The following PTK2 variants were observed in gnomAD, a reference collection of about 807,000 sequenced individuals.
PTK2 encodes focal adhesion kinase 1.
In PTK2, 45 loss-of-function variants were observed where a neutral mutation model predicts 150.1. That is an observed-to-expected ratio of 0.30 (90% CI 0.24 to 0.38). The LOEUF is 0.38. PTK2 is among the 10% of genes least tolerant of loss of function. The pLI is 1.00. For missense variants in PTK2, 919 were observed against 1,307.3 expected, an observed-to-expected ratio of 0.70 and a Z score of 4.58; for synonymous variants, 432 against 449.2, an observed-to-expected ratio of 0.96 and a Z score of 0.48.
intron 7 of PTK2, among the ~76,000 whole-genome samples, chr8:140,845,204 A>G (rs1485148450): frequency 2.0e-5 from 3 of 152,142 alleles, no homozygotes. Flanking sequence ...ATCTCATCAT[A>G]TAATTGTCCT....
chr8:140,844,639 AG>A (rs1707464331), intron 7 of PTK2, among the ~76,000 whole-genome samples: 1 of 152,096 alleles, frequency 6.6e-6, no homozygotes, highest in South Asian at 2.1e-4. Flanking sequence ...TGGCACTACA[AG>A]CTGCTCTAGG....
intron 4 of PTK2, among the ~76,000 whole-genome samples, chr8:140,876,272 T>C (rs2100145451): frequency 6.6e-6 from 1 of 152,216 alleles, no homozygotes; most frequent in African/African-American, 2.4e-5. Context: ...GAGGTTCCTT[T>C]GGTGGCAAAT....
At chr8:140,756,609 A>G (rs928250624) in intron 16 of PTK2, among the ~76,000 whole-genome samples, 1 of 151,242 alleles carries the variant, frequency 6.6e-6, no homozygotes, top group Non-Finnish European at 1.5e-5. Flanking sequence ...AGGCAGGAGA[A>G]TCGCTTGAAC....
intron 14 of PTK2, among the ~76,000 whole-genome samples, chr8:140,765,420 A>G (rs551910578): frequency 1.3e-5 from 2 of 152,318 alleles, no homozygotes; most frequent in African/African-American, 4.8e-5. Context: ...ACTGAGATCA[A>G]ATCTACAAGT....
At chr8:140,903,134 T>C (rs1267472596) in intron 2 of PTK2, among the ~76,000 whole-genome samples, 1 of 152,094 alleles carries the variant, frequency 6.6e-6, no homozygotes, top group Non-Finnish European at 1.5e-5. Flanking sequence ...AAGTCTTTAA[T>C]CCATCTTGAG....
chr8:140,862,239 AT>A (rs1005838809), intron 5 of PTK2, among the ~76,000 whole-genome samples: 2 of 152,010 alleles, frequency 1.3e-5, no homozygotes, highest in African/African-American at 2.4e-5. Context: ...GGTGGGTAGA[AT>A]TTTTTTTCAA....
At chr8:140,982,754 A>G (rs1287891115) in intron 1 of PTK2, among the ~76,000 whole-genome samples, 1 of 152,228 alleles carries the variant, frequency 6.6e-6, no homozygotes, top group Admixed American at 6.5e-5. Flanking sequence ...GAGTTGTCCA[A>G]TGTTAGCGTA....
chr8:140,954,637 C>T (rs932599917), intron 1 of PTK2: 5 of 152,126 alleles, frequency 3.3e-5, no homozygotes, highest in South Asian at 2.1e-4. Context: ...AAATCAACTA[C>T]CTTTTGTTTA....
intron 8 of PTK2, among the ~76,000 whole-genome samples, chr8:140,828,290 T>C (rs574685095): frequency 1.6e-4 from 25 of 152,172 alleles, no homozygotes; most frequent in Admixed American, 9.2e-4. Context: ...AGAGGGAACA[T>C]TGAAGCAGAG....
intron 16 of PTK2, among the ~76,000 whole-genome samples, chr8:140,757,504 C>A (rs2100066539): frequency 6.6e-6 from 1 of 151,834 alleles, no homozygotes. Flanking sequence ...TTACTGGTGG[C>A]AATTATCTGT....
chr8:140,858,465 C>T (rs2100134141), intron 5 of PTK2, among the ~76,000 whole-genome samples: 1 of 150,322 alleles, frequency 6.7e-6, no homozygotes, highest in African/African-American at 2.4e-5. Flanking sequence ...AAAGAAAATC[C>T]ACGACTCGTT....
rs752675160 is a variant in PTK2, at chr8:140,819,062, A to G, written c.649-42T>C. 5.1e-5 allele frequency: 81 copies of G among 1,600,552 alleles called. 1 individual carries two copies. In the East Asian group the frequency reaches 1.1e-3, roughly 23 times the overall value. On this transcript the variant is annotated intron_variant, in intron 8 of 31. Transcript: ENST00000522684. ...CCAAAACATCTTGTAAAAATCAGCA[A>G]TGAGTAAAGACCACAACAATAATGG...
chr8:140,968,995 T>C (rs1208574287), intron 1 of PTK2, among the ~76,000 whole-genome samples: 1 of 152,194 alleles, frequency 6.6e-6, no homozygotes, highest in Non-Finnish European at 1.5e-5. Flanking sequence ...GTTTGCGAAG[T>C]GAACAGCTTC....
intron 10 of PTK2, among the ~76,000 whole-genome samples, chr8:140,805,550 CA>C (rs59135954): frequency 0.021 from 1,751 of 82,100 alleles, 23 homozygotes; most frequent in African/African-American, 0.053. Flanking sequence ...AACTCTGTCT[CA>C]AAAAAAAAAA....
At position 140,669,997 on chromosome 8, in the gene PTK2, G is replaced by C. The variant is rs901809940; in HGVS notation, c.2710-1573C>G. 6 of 470,730 alleles carry C rather than the reference G, an allele frequency of 1.3e-5. No individual in the cohort carries two copies. The Admixed American group carries it at 2.3e-4, about 18-fold the overall frequency. 29.2% of individuals were successfully genotyped at this position (470,730 alleles called of 1,614,324 possible). On this transcript the variant is annotated intron_variant, in intron 29 of 31. Coordinates refer to ENST00000522684, the Ensembl canonical transcript of PTK2. Reference sequence around the variant, plus strand: ...ATGCTCAGTTACAAAACAAATGCAGGGAACATGCAAAGCCCGAGGAACAAT... The same window carrying C: ...ATGCTCAGTTACAAAACAAATGCAGCGAACATGCAAAGCCCGAGGAACAAT...
chr8:140,784,872 T>C (rs2154571719), intron 14 of PTK2, among the ~76,000 whole-genome samples: 1 of 152,388 alleles, frequency 6.6e-6, no homozygotes, highest in South Asian at 2.1e-4. Flanking sequence ...ACTGTTCATA[T>C]ATTCAACATC....
chr8:140,879,482 T>C (rs781103909), exon 4 of PTK2: 2 of 1,611,408 alleles, frequency 1.2e-6, no homozygotes, highest in Non-Finnish European at 1.7e-6. Context: ...TCCACTCCTC[T>C]GGTGGGTGAG....
At chr8:140,761,080 T>G (rs2100069160) in intron 16 of PTK2, 85 bp downstream of exon 19, 10 of 860,700 alleles carry the variant, frequency 1.2e-5, no homozygotes, top group Non-Finnish European at 1.9e-5. Flanking sequence ...CTAGAAGAAC[T>G]AAGGACTCAT....
intron 26 of PTK2, among the ~76,000 whole-genome samples, chr8:140,688,890 T>C (rs1564408073): frequency 1.3e-5 from 2 of 152,298 alleles, no homozygotes; most frequent in East Asian, 3.9e-4. Flanking sequence ...CTAATGCCCA[T>C]ACAGGGGAAG....
Sources: allele counts gnomAD v4.1 joint callset (sites outside exome capture counted in the v4.1 genomes callset), GRCh38; gene constraint gnomAD v4.1.1; transcripts MANE v1.5; gene names NCBI Gene and HGNC (gene_info 2026-07-23, HGNC 2026-07-21).